SGMS1: variants seen among roughly 807,000 people sequenced by gnomAD.
SGMS1 encodes the protein sphingomyelin synthase 1, also known as phosphatidylcholine:ceramide cholinephosphotransferase 1.
In SGMS1, 13 loss-of-function variants were observed where a neutral mutation model predicts 46.2. The observed-to-expected ratio is 0.28, with a 90% CI of 0.18 to 0.45. The LOEUF is 0.45. Ranked by LOEUF, SGMS1 falls within the 20% of genes least tolerant of loss-of-function variation. The pLI is 1.00. For synonymous variants in SGMS1, 203 were observed against 187.8 expected, an observed-to-expected ratio of 1.08 and a Z score of -0.66; for missense variants, 324 against 519.9, an observed-to-expected ratio of 0.62 and a Z score of 3.66.
intron 6 of SGMS1, among the ~76,000 whole-genome samples, chr10:50,407,410 T>C (rs1034897679): frequency 2.0e-5 from 3 of 152,234 alleles, no homozygotes; most frequent in African/African-American, 7.2e-5. Flanking sequence ...AATTTCTGTA[T>C]AAGAATTCTG....
chr10:50,557,517 C>T (rs1838198282), intron 2 of SGMS1, among the ~76,000 whole-genome samples: 3 of 151,238 alleles, frequency 2.0e-5, no homozygotes, highest in Admixed American at 1.3e-4. Flanking sequence ...AACTGTTTTG[C>T]TTTGGCAAAC....
Position 50,367,002 on chromosome 10 carries a change from G to C in SGMS1, c.-231-22657C>G, listed in dbSNP as rs148649899. 4.5e-3 allele frequency among the ~76,000 whole-genome samples: 692 copies of C among 152,160 alleles called. 6 individuals carry two copies. Among genetic ancestry groups the C allele is most frequent in the African/African-American group, 0.016 (657 of 41,518 alleles). On this transcript the variant is annotated intron_variant, in intron 6 of 10. Transcript: ENST00000361781. ...TATGAACAGACACTTCTCAAAAGAA[G>C]ATATCTATGCAGCCAATAAACATAT...
intron 6 of SGMS1, among the ~76,000 whole-genome samples, chr10:50,353,028 A>G (rs1848050018): frequency 6.6e-6 from 1 of 152,228 alleles, no homozygotes; most frequent in Non-Finnish European, 1.5e-5. Context: ...AGCTGGTACC[A>G]TTCCTTCTGA....
chr10:50,535,125 G>A (rs186053098), intron 2 of SGMS1, among the ~76,000 whole-genome samples: 4 of 151,980 alleles, frequency 2.6e-5, no homozygotes, highest in South Asian at 4.2e-4. Context: ...CCAGCTACTC[G>A]GGAGCCTGAG....
intron 6 of SGMS1, among the ~76,000 whole-genome samples, chr10:50,359,176 T>C (rs761029676): frequency 4.4e-4 from 67 of 152,218 alleles, no homozygotes; most frequent in Admixed American, 3.3e-4. Context: ...GTATGTATTT[T>C]GCCTTTTTGT....
intron 2 of SGMS1, among the ~76,000 whole-genome samples, chr10:50,586,606 T>A (rs1359048598): frequency 6.6e-6 from 1 of 152,180 alleles, no homozygotes; most frequent in East Asian, 1.9e-4. Flanking sequence ...AAAGTAATAA[T>A]GGCAGAGAAG....
chr10:50,519,119 A>G (rs1169844670), intron 3 of SGMS1, among the ~76,000 whole-genome samples: 9 of 152,300 alleles, frequency 5.9e-5, no homozygotes, highest in East Asian at 5.8e-4. Flanking sequence ...AGAACACTAC[A>G]TGCAATATAC....
At chr10:50,376,426 T>C (rs1487534132) in intron 6 of SGMS1, among the ~76,000 whole-genome samples, 1 of 152,304 alleles carries the variant, frequency 6.6e-6, no homozygotes, top group Non-Finnish European at 1.5e-5. Flanking sequence ...CCAGATTCTA[T>C]CAATGAGCAT....
Position 50,550,167 on chromosome 10 carries a change from T to C in SGMS1, c.-588-30246A>G, listed in dbSNP as rs190172176. On this transcript the variant is annotated intron_variant, in intron 2 of 10. Coordinates refer to ENST00000361781, the MANE Select transcript of SGMS1 (RefSeq NM_147156.4). ...ACATTAGTAAATACAACAGGCAGAGTAGATATTTTAAGACAATCTACTTTT... is the reference window on the plus strand; with the variant it reads ...ACATTAGTAAATACAACAGGCAGAGCAGATATTTTAAGACAATCTACTTTT... Among the ~76,000 whole-genome samples, 5 of 152,268 alleles carry C rather than the reference T, an allele frequency of 3.3e-5. No individual in the cohort carries two copies. The East Asian group carries it at 9.6e-4, about 29-fold the overall frequency.
intron 5 of SGMS1, among the ~76,000 whole-genome samples, chr10:50,437,817 A>T (rs1232773292): frequency 6.6e-6 from 1 of 152,138 alleles, no homozygotes; most frequent in Non-Finnish European, 1.5e-5. Flanking sequence ...AGCTGAGAAG[A>T]CCTCACTTTG....
At chr10:50,414,188 C>A (rs1849137165) in intron 6 of SGMS1, among the ~76,000 whole-genome samples, 1 of 152,158 alleles carries the variant, frequency 6.6e-6, no homozygotes, top group African/African-American at 2.4e-5. Flanking sequence ...TTGCTTGAGT[C>A]CACAAGTTTG....
chr10:50,565,559 T>C (rs1024307159), intron 2 of SGMS1, among the ~76,000 whole-genome samples: 6 of 152,132 alleles, frequency 3.9e-5, no homozygotes, highest in Admixed American at 1.3e-4. Context: ...TGAGTTAAAA[T>C]CTCAACTCTA....
At chr10:50,542,584 C>T (rs1838063189) in intron 2 of SGMS1, among the ~76,000 whole-genome samples, 2 of 150,924 alleles carry the variant, frequency 1.3e-5, no homozygotes, top group African/African-American at 4.9e-5. Flanking sequence ...AAAAAGCAAA[C>T]TACCATAAAG....
At chr10:50,421,693 G>T (rs1849256079) in intron 6 of SGMS1, among the ~76,000 whole-genome samples, 3 of 152,174 alleles carry the variant, frequency 2.0e-5, no homozygotes, top group Non-Finnish European at 4.4e-5. Context: ...TGGCCCATGG[G>T]TCTCTTTATC....
chr10:50,424,769 G>A (rs558585003), intron 6 of SGMS1, among the ~76,000 whole-genome samples: 8 of 152,076 alleles, frequency 5.3e-5, no homozygotes, highest in South Asian at 2.1e-4. Context: ...AAAATTAGTC[G>A]GGCATAGTGG....
At chr10:50,353,467 C>A (rs1201428191) in intron 6 of SGMS1, among the ~76,000 whole-genome samples, 1 of 152,288 alleles carries the variant, frequency 6.6e-6, no homozygotes, top group Non-Finnish European at 1.5e-5. Context: ...CTATGACAAA[C>A]CCACAGCTAA....
intron 2 of SGMS1, among the ~76,000 whole-genome samples, chr10:50,543,835 G>A (rs1238553553): frequency 2.6e-5 from 4 of 152,034 alleles, no homozygotes; most frequent in South Asian, 2.1e-4. Context: ...TGTCTTCTAT[G>A]TTTAGAAAAA....
chr10:50,506,537 A>G (rs558749957), intron 3 of SGMS1, among the ~76,000 whole-genome samples: 8 of 152,292 alleles, frequency 5.3e-5, no homozygotes, highest in African/African-American at 1.9e-4. Flanking sequence ...TGAGCCATTC[A>G]GACCACGTGT....
At chr10:50,485,326 A>G (rs1837511030) in intron 3 of SGMS1, among the ~76,000 whole-genome samples, 1 of 152,224 alleles carries the variant, frequency 6.6e-6, no homozygotes, top group Non-Finnish European at 1.5e-5. Context: ...ATACCTAGGA[A>G]TACAGCTAAC....
Sources: gnomAD v4.1 joint callset for allele counts (sites outside exome capture counted in the v4.1 genomes callset) on GRCh38, gnomAD v4.1.1 for gene constraint, MANE v1.5 for transcripts, NCBI Gene and HGNC (gene_info 2026-07-23, HGNC 2026-07-21) for gene names.